Variants in SERPINI1 observed in about 807,000 individuals in gnomAD.
SERPINI1 encodes the protein neuroserpin.
In SERPINI1, 19 loss-of-function variants were observed where a neutral mutation model predicts 41.1. The observed-to-expected ratio is 0.46, with a 90% CI of 0.32 to 0.68. The LOEUF is 0.68. Among genes scored for constraint, SERPINI1 ranks in the 30% least tolerant of loss-of-function variants. The pLI is 0.03. For synonymous variants in SERPINI1, 138 were observed against 156.6 expected (o/e 0.88, Z 0.89); for missense variants, 460 against 479.2 (o/e 0.96, Z 0.37).
chr3:167,738,507 T>C (rs967313103), intron 1 of SERPINI1, among the ~76,000 whole-genome samples: 1 of 152,060 alleles, frequency 6.6e-6, no homozygotes, highest in African/African-American at 2.4e-5. Flanking sequence ...TAAAGAAAAC[T>C]ACTTGAGAAA....
rs567269411 is a variant in SERPINI1 at position 167,763,259 on chromosome 3, T to C, written c.-18-25852T>C. 1.1e-4 allele frequency among the ~76,000 whole-genome samples: 16 copies of C among 152,244 alleles called. No homozygotes were observed. In the East Asian group the frequency reaches 3.1e-3, roughly 29 times the overall value. ...AAAGATAAAAATCACAGCTAGTAGA[T>C]TGCAAAGGAATAAGTGGTCTGGCTT... On this transcript the variant is annotated intron_variant, in intron 1 of 8. Transcript: ENST00000446050.
chr3:167,799,675 A>T, intron 5 of SERPINI1, among the ~76,000 whole-genome samples: 1 of 152,124 alleles, frequency 6.6e-6, no homozygotes, highest in Non-Finnish European at 1.5e-5. Context: ...TAAAAGCATT[A>T]CTATTTCTCC....
In SERPINI1 at chr3:167,825,501, T is replaced by G. The variant is rs1400852920; in HGVS notation, c.*178T>G. On this transcript the variant is annotated 3_prime_UTR_variant, in exon 9 of 9. Transcript: ENST00000446050. The stretch of plus-strand genomic sequence containing the variant: ...TCAAGGAATGTTATCAGTATTAAGC[T>G]AATGGTCCTGTTATGTCATTGTGTT... 5.1e-6 allele frequency: 3 copies of G among 588,314 alleles called. No homozygotes were observed. In the African/African-American group the frequency reaches 5.6e-5, roughly 11 times the overall value. The allele number at this position is 588,314 out of a possible 1,614,324, so 36.4% of individuals were successfully genotyped here. A position where few individuals can be genotyped will look rare whatever the true frequency, so the allele number is the denominator to read the frequency against.
At chr3:167,759,400 G>GTGTATGTATATA (rs964402772) in intron 1 of SERPINI1, among the ~76,000 whole-genome samples, 1 of 121,164 alleles carries the variant, frequency 8.3e-6, no homozygotes, top group African/African-American at 3.0e-5. Flanking sequence ...AGAAAATGTG[G>GTGTATGTATATA]TATATATATA....
chr3:167,752,803 A>AT (rs903703184), intron 1 of SERPINI1, among the ~76,000 whole-genome samples: 1 of 152,010 alleles, frequency 6.6e-6, no homozygotes, highest in African/African-American at 2.4e-5. Context: ...CTTTTCTGCC[A>AT]TCAGGCCTTC....
At chr3:167,736,856 G>A (rs1261918335) in intron 1 of SERPINI1, among the ~76,000 whole-genome samples, 1 of 152,128 alleles carries the variant, frequency 6.6e-6, no homozygotes. Context: ...TAGAGAAGTA[G>A]TAAGAAGCTA....
chr3:167,772,504 T>C (rs1726791364), intron 1 of SERPINI1, among the ~76,000 whole-genome samples: 1 of 152,098 alleles, frequency 6.6e-6, no homozygotes, highest in African/African-American at 2.4e-5. Flanking sequence ...TATATTCAAA[T>C]ATAGCTGTAT....
In SERPINI1 at chr3:167,804,493, T is replaced by A. The variant is rs563196421; in HGVS notation, c.882-2751T>A. ...AAGTGAAGCATTTTGTTCTAACTAG[T>A]TGTTTTCACTTTTAAAATAAAAGTA... On this transcript the variant is annotated intron_variant, in intron 5 of 8. Coordinates refer to ENST00000446050, the MANE Select transcript of SERPINI1 (RefSeq NM_001122752.2). Among the ~76,000 whole-genome samples, 30 of 152,318 alleles carry A rather than the reference T, an allele frequency of 2.0e-4. No homozygotes were observed. In the South Asian group the frequency reaches 6.0e-3, roughly 31 times the overall value.
At chr3:167,809,575 A>G (rs1711792609) in intron 6 of SERPINI1, among the ~76,000 whole-genome samples, 1 of 152,224 alleles carries the variant, frequency 6.6e-6, no homozygotes, top group Non-Finnish European at 1.5e-5. Flanking sequence ...ATGCATTATG[A>G]TAACAGATGG....
At chr3:167,822,948 T>C in intron 6 of SERPINI1, 38 bp from the exon 7 acceptor site, 3 of 1,226,940 alleles carry the variant, frequency 2.4e-6, no homozygotes, top group Non-Finnish European at 2.4e-6. Flanking sequence ...TTCCTATCTC[T>C]GAATGAAAAA....
In SERPINI1 at chr3:167,807,293, G is replaced by A; in HGVS notation, c.931G>A (p.Gly311Arg). ...TTTAAAAGATGTTTTGAAGGCTCTT[G>A]GAATAACTGAAATTTTCATCAAAGA... is the stretch of plus-strand genomic sequence containing the variant. ...IDLKDVLKALGITEIFIKDAN... is the reference protein window; with the variant it reads ...IDLKDVLKALRITEIFIKDAN... Residue 311 changes from glycine (G) to arginine (R), a missense_variant, in exon 6 of 9, where the codon GGA becomes AGA. Transcript: ENST00000446050. The A allele has an allele frequency of 6.2e-7, 1 of 1,612,906 alleles. No homozygotes were observed. Among genetic ancestry groups the A allele is most frequent in the Middle Eastern group, 1.7e-4 (1 of 6,046 alleles).
intron 5 of SERPINI1, among the ~76,000 whole-genome samples, chr3:167,802,993 T>A (rs926026033): frequency 2.6e-5 from 4 of 151,592 alleles, no homozygotes; most frequent in Non-Finnish European, 5.9e-5. Context: ...TGGATGAAAT[T>A]GGAAATCATC....
At chr3:167,781,268 T>G (rs902351733) in intron 1 of SERPINI1, among the ~76,000 whole-genome samples, 4 of 152,064 alleles carry the variant, frequency 2.6e-5, no homozygotes, top group Non-Finnish European at 5.9e-5. Context: ...AAACTCCCAG[T>G]TTTCCAAACA....
chr3:167,790,417 C>T lies in SERPINI1; in HGVS notation c.296C>T (p.Ala99Val). 2 of 1,613,910 alleles carry T rather than the reference C, an allele frequency of 1.2e-6. No individual in the cohort carries two copies. Among genetic ancestry groups the T allele is most frequent in the Non-Finnish European group, 1.7e-6 (2 of 1,179,844 alleles). ...AAGGAGTTTTCAAACATGGTAACTG[C>T]TAAAGAGAGCCAATATGTGATGAAA... Reference protein sequence around the residue: ...FLKEFSNMVTAKESQYVMKIA... With the variant: ...FLKEFSNMVTVKESQYVMKIA... Residue 99 changes from alanine (A) to valine (V), a missense_variant, in exon 3 of 9, where the codon GCT (alanine) becomes GTT (valine). Physicochemically the swap from Ala to Val is moderately conservative, Grantham distance 64. Transcript: ENST00000446050.
intron 1 of SERPINI1, among the ~76,000 whole-genome samples, chr3:167,779,075 T>G (rs13087249): frequency 0.13 from 19,511 of 152,210 alleles, 1,519 homozygotes; most frequent in African/African-American, 0.21. Flanking sequence ...TGGGCTATCA[T>G]TGATACCGTA....
chr3:167,770,091 A>G (rs571752211), intron 1 of SERPINI1, among the ~76,000 whole-genome samples: 47 of 147,948 alleles, frequency 3.2e-4, no homozygotes, highest in African/African-American at 1.1e-3. Flanking sequence ...ATGCAACCTT[A>G]TATATTCAGA....
intron 1 of SERPINI1, among the ~76,000 whole-genome samples, chr3:167,762,920 A>G (rs1421417734): frequency 6.6e-6 from 1 of 152,114 alleles, no homozygotes; most frequent in African/African-American, 2.4e-5. Flanking sequence ...ATGCCCGGTG[A>G]CATTCAATTC....
intron 1 of SERPINI1, among the ~76,000 whole-genome samples, chr3:167,772,885 TATATATATACACACACACAC>T (rs1364883380): frequency 5.4e-4 from 40 of 74,200 alleles, no homozygotes; most frequent in African/African-American, 2.0e-3. Context: ...TATATATATA[TATATATATACACACACACAC>T]ACACACACAC....
At chr3:167,792,058 G>C (rs1299956834) in intron 3 of SERPINI1, among the ~76,000 whole-genome samples, 1 of 152,174 alleles carries the variant, frequency 6.6e-6, no homozygotes, top group Non-Finnish European at 1.5e-5. Flanking sequence ...CCAGGAGACA[G>C]AGTTTGCAGT....
Sources: allele counts gnomAD v4.1 joint callset (sites outside exome capture counted in the v4.1 genomes callset), GRCh38; gene constraint gnomAD v4.1.1; transcripts MANE v1.5; gene names NCBI Gene and HGNC (gene_info 2026-07-23, HGNC 2026-07-21).